EIF4G3: variants seen among roughly 807,000 people sequenced by gnomAD.
EIF4G3 encodes eIF-4-gamma 3.
EIF4G3 carries 34 observed loss-of-function variants against 186.4 expected under a neutral mutation model. The ratio of observed to expected loss-of-function variants is 0.18; its 90% CI spans 0.14 to 0.24. The LOEUF (loss-of-function observed/expected upper bound fraction) is 0.24. Ranked by LOEUF, EIF4G3 falls within the 10% of genes least tolerant of loss-of-function variation. The probability of loss-of-function intolerance (pLI) is 1.00; values close to 1 mark genes in which losing one functional copy is unlikely to be tolerated. For synonymous variants in EIF4G3, 673 were observed against 679.5 expected (o/e 0.99, Z 0.15); for missense variants, 1,536 against 1,948.5 (o/e 0.79, Z 3.99).
At chr1:21,059,365 G>C (rs752840977) in intron 3 of EIF4G3, among the ~76,000 whole-genome samples, 3 of 151,966 alleles carry the variant, frequency 2.0e-5, no homozygotes, top group Non-Finnish European at 4.4e-5. Context: ...TTAATATTTT[G>C]TATCATCCTA....
At chr1:21,060,046 G>A (rs1363800930) in intron 3 of EIF4G3, among the ~76,000 whole-genome samples, 1 of 152,174 alleles carries the variant, frequency 6.6e-6, no homozygotes, top group Non-Finnish European at 1.5e-5. Context: ...CTACCTCCCA[G>A]GCTCAAGTGA....
intron 4 of EIF4G3, among the ~76,000 whole-genome samples, chr1:21,041,372 A>C (rs1251012872): frequency 1.3e-5 from 2 of 152,062 alleles, no homozygotes; most frequent in African/African-American, 2.4e-5. Context: ...ACAGGTGTGA[A>C]CCACAATGCC....
At chr1:20,988,012 A>G (rs1454150438) in intron 7 of EIF4G3, among the ~76,000 whole-genome samples, 1 of 152,240 alleles carries the variant, frequency 6.6e-6, no homozygotes, top group Non-Finnish European at 1.5e-5. Flanking sequence ...ATGGAGAAAG[A>G]GCAGTTTGGA....
intron 4 of EIF4G3, among the ~76,000 whole-genome samples, chr1:21,026,224 G>T (rs1405634360): frequency 6.6e-6 from 1 of 152,058 alleles, no homozygotes; most frequent in African/African-American, 2.4e-5. Flanking sequence ...GGGAAAAAAT[G>T]GCCCAGAAAT....
intron 13 of EIF4G3, among the ~76,000 whole-genome samples, chr1:20,947,164 T>C (rs1009231210): frequency 4.6e-5 from 7 of 151,918 alleles, no homozygotes; most frequent in Non-Finnish European, 8.8e-5. Flanking sequence ...CTACACAACA[T>C]GGCAAAACCT....
intron 19 of EIF4G3, among the ~76,000 whole-genome samples, chr1:20,883,261 C>A (rs1225167780): frequency 6.6e-6 from 1 of 151,864 alleles, no homozygotes; most frequent in Non-Finnish European, 1.5e-5. Context: ...GATTAGAGAC[C>A]AGAAAGGGGA....
In EIF4G3 at chr1:20,981,103, T is replaced by C. The variant is rs1480635457; in HGVS notation, c.323A>G (p.Asn108Ser). ...CACTGGGTACGGCATGGGCAGATGG[T>C]TAACCATCATGATGTGCTGATTAGC... ...YQANQHIMMVNHLPMPYPVPQ... is the reference protein window; with the variant it reads ...YQANQHIMMVSHLPMPYPVPQ... Residue 108 changes from asparagine to serine, a missense_variant, in exon 9 of 37, where the codon AAC becomes AGC. Asn to Ser is a conservative substitution (Grantham distance 46). Coordinates refer to ENST00000602326, the MANE Select transcript of EIF4G3 (RefSeq NM_001391906.1). 1.2e-6 allele frequency: 2 copies of C among 1,613,532 alleles called. No individual in the cohort carries two copies. The highest frequency in any genetic ancestry group is 4.5e-5 in the East Asian group (2 of 44,860).
At chr1:21,136,195 A>AG (rs965294085) in intron 2 of EIF4G3, among the ~76,000 whole-genome samples, 1 of 150,772 alleles carries the variant, frequency 6.6e-6, no homozygotes, top group African/African-American at 2.4e-5. Context: ...GTCTCAAAAA[A>AG]AAAAGAACAC....
At chr1:21,095,902 C>T (rs2096356479) in intron 2 of EIF4G3, among the ~76,000 whole-genome samples, 1 of 151,918 alleles carries the variant, frequency 6.6e-6, no homozygotes, top group Non-Finnish European at 1.5e-5. Flanking sequence ...TTCTGTGAGA[C>T]AAAATGATAT....
intron 29 of EIF4G3, 44 bp from the exon 30 acceptor site, chr1:20,841,072 T>A (rs74857836): frequency 1.3e-5 from 20 of 1,594,210 alleles, no homozygotes; most frequent in Non-Finnish European, 1.7e-5. Flanking sequence ...ATCTGAATAG[T>A]GTTACCAGAA....
At chr1:20,860,836 A>G (rs748404894) in intron 23 of EIF4G3, among the ~76,000 whole-genome samples, 1 of 152,190 alleles carries the variant, frequency 6.6e-6, no homozygotes, top group Non-Finnish European at 1.5e-5. Context: ...GACTAAATGG[A>G]TTTTATCTGT....
intron 14 of EIF4G3, among the ~76,000 whole-genome samples, chr1:20,910,549 A>G (rs1168352440): frequency 6.6e-6 from 1 of 152,220 alleles, no homozygotes; most frequent in Non-Finnish European, 1.5e-5. Flanking sequence ...ATGCCACTGC[A>G]CTCAGCCTGG....
At chr1:20,974,998 A>T (rs747434593) in intron 10 of EIF4G3, among the ~76,000 whole-genome samples, 7 of 152,192 alleles carry the variant, frequency 4.6e-5, no homozygotes, top group African/African-American at 1.7e-4. Context: ...CACTACCACC[A>T]TAACACTTTT....
chr1:20,989,656 T>C (rs1310847213), intron 7 of EIF4G3, among the ~76,000 whole-genome samples: 1 of 150,818 alleles, frequency 6.6e-6, no homozygotes, highest in Non-Finnish European at 1.5e-5. Context: ...AGGACTGGCT[T>C]CATATGGAGG....
chr1:20,850,436 T>C (rs1571622863), intron 28 of EIF4G3, among the ~76,000 whole-genome samples: 2 of 152,182 alleles, frequency 1.3e-5, no homozygotes, highest in Admixed American at 6.5e-5. Flanking sequence ...CTGAGATCCA[T>C]TTAGGGACTA....
At chr1:21,164,099 T>C (rs1041032492) in intron 2 of EIF4G3, among the ~76,000 whole-genome samples, 2 of 152,120 alleles carry the variant, frequency 1.3e-5, no homozygotes, top group Non-Finnish European at 2.9e-5. Context: ...TATAATAACA[T>C]ATACATTAGA....
At chr1:20,815,623 G>A (rs1372825961) in intron 34 of EIF4G3, among the ~76,000 whole-genome samples, 9 of 150,956 alleles carry the variant, frequency 6.0e-5, no homozygotes, top group South Asian at 4.2e-4. Context: ...CTCTCCGCCC[G>A]GCAGCCACCC....
chr1:20,927,698 A>G (rs1004689514), intron 14 of EIF4G3, among the ~76,000 whole-genome samples: 2 of 152,208 alleles, frequency 1.3e-5, no homozygotes, highest in African/African-American at 4.8e-5. Context: ...GGCCAAAAAC[A>G]TAAGGGACCA....
At chr1:20,983,474 A>G (rs1171614664) in intron 7 of EIF4G3, among the ~76,000 whole-genome samples, 1 of 152,224 alleles carries the variant, frequency 6.6e-6, no homozygotes, top group Non-Finnish European at 1.5e-5. Context: ...ACTGGACTGC[A>G]TTTCTCGTAA....
Sources: allele counts gnomAD v4.1 joint callset (sites outside exome capture counted in the v4.1 genomes callset), GRCh38; gene constraint gnomAD v4.1.1; transcripts MANE v1.5; gene names NCBI Gene and HGNC (gene_info 2026-07-23, HGNC 2026-07-21).